Variants in FARS2 observed in about 807,000 individuals in gnomAD.
The protein encoded by FARS2 is phenylalanine--tRNA ligase, mitochondrial.
In FARS2, 40 loss-of-function variants were observed where a neutral mutation model predicts 46.4. The ratio of observed to expected loss-of-function variants is 0.86; its 90% CI spans 0.67 to 1.12. The LOEUF is 1.12. Among genes scored for constraint, FARS2 ranks in the 50% most tolerant of loss-of-function variants. The pLI is 0.00. For missense variants in FARS2, 513 were observed against 567.9 expected, an observed-to-expected ratio of 0.90 and a Z score of 0.98; for synonymous variants, 234 against 214.9, an observed-to-expected ratio of 1.09 and a Z score of -0.78.
chr6:5,592,005 G>C (rs1485424864), intron 5 of FARS2, among the ~76,000 whole-genome samples: 3 of 152,326 alleles, frequency 2.0e-5, no homozygotes, highest in African/African-American at 7.2e-5. Context: ...GACTGTCTAA[G>C]ATGGGTCGAT....
chr6:5,639,581 T>C (rs899544041), intron 6 of FARS2, among the ~76,000 whole-genome samples: 5 of 152,224 alleles, frequency 3.3e-5, no homozygotes, highest in Non-Finnish European at 7.3e-5. Context: ...TATGGGAAAC[T>C]CTGGTGCCTG....
At chr6:5,314,437 G>A (rs1017542351) in intron 1 of FARS2, among the ~76,000 whole-genome samples, 3 of 152,172 alleles carry the variant, frequency 2.0e-5, no homozygotes, top group Non-Finnish European at 2.9e-5. Flanking sequence ...TGTTTCTGCA[G>A]GGGTCATTCT....
chr6:5,357,423 G>C (rs985043502), intron 1 of FARS2, among the ~76,000 whole-genome samples: 1 of 152,208 alleles, frequency 6.6e-6, no homozygotes, highest in Non-Finnish European at 1.5e-5. Context: ...AGTTGCTTAA[G>C]ATCTGACAGA....
At chr6:5,716,045 A>C (rs1469113645) in intron 6 of FARS2, among the ~76,000 whole-genome samples, 1 of 151,946 alleles carries the variant, frequency 6.6e-6, no homozygotes, top group Non-Finnish European at 1.5e-5. Flanking sequence ...TTTGATTTGC[A>C]TTTTTCCCTG....
intron 6 of FARS2, among the ~76,000 whole-genome samples, chr6:5,637,066 C>T (rs1776581151): frequency 6.6e-6 from 1 of 152,210 alleles, no homozygotes; most frequent in Admixed American, 6.5e-5. Context: ...TAGGCAAGAG[C>T]ATAGGAAGAA....
chr6:5,292,906 G>A (rs763750202), intron 1 of FARS2, among the ~76,000 whole-genome samples: 2 of 152,152 alleles, frequency 1.3e-5, no homozygotes, highest in African/African-American at 2.4e-5. Flanking sequence ...ATGAGTAGGA[G>A]CGTTCATGGA....
intron 6 of FARS2, among the ~76,000 whole-genome samples, chr6:5,680,165 GA>G (rs2150831280): frequency 6.6e-6 from 1 of 152,328 alleles, no homozygotes; most frequent in East Asian, 1.9e-4. Context: ...GAAGGCATTA[GA>G]AACAATGCTT....
At chr6:5,293,038 A>T (rs1767612834) in intron 1 of FARS2, among the ~76,000 whole-genome samples, 1 of 152,242 alleles carries the variant, frequency 6.6e-6, no homozygotes, top group Non-Finnish European at 1.5e-5. Flanking sequence ...AAAAGCACTG[A>T]CAAGTGGCTA....
At chr6:5,554,064 TC>T (rs1302625613) in intron 5 of FARS2, among the ~76,000 whole-genome samples, 2 of 152,214 alleles carry the variant, frequency 1.3e-5, no homozygotes, top group African/African-American at 4.8e-5. Context: ...CTATTTTCTT[TC>T]TTTTTGCCCT....
intron 6 of FARS2, among the ~76,000 whole-genome samples, chr6:5,661,344 C>T (rs79870973): frequency 0.047 from 7,115 of 152,292 alleles, 425 homozygotes; most frequent in African/African-American, 0.13. Context: ...TTACAGGAAA[C>T]ACAGAGACTG....
intron 6 of FARS2, among the ~76,000 whole-genome samples, chr6:5,754,108 A>G (rs1313765572): frequency 1.3e-5 from 2 of 152,206 alleles, no homozygotes; most frequent in Non-Finnish European, 2.9e-5. Flanking sequence ...TTTATTGAGT[A>G]TTTATTTTGT....
intron 5 of FARS2, among the ~76,000 whole-genome samples, chr6:5,602,088 T>C (rs1186732730): frequency 6.6e-6 from 1 of 152,116 alleles, no homozygotes; most frequent in Non-Finnish European, 1.5e-5. Context: ...AACCAGAGAA[T>C]GACTTAATAA....
intron 3 of FARS2, among the ~76,000 whole-genome samples, chr6:5,427,208 A>G (rs1317936078): frequency 1.4e-4 from 22 of 152,328 alleles, no homozygotes; most frequent in Admixed American, 1.2e-3. Context: ...ATTCTCTTCA[A>G]TAAATGATTC....
At chr6:5,725,861 A>G (rs71557579) in intron 6 of FARS2, among the ~76,000 whole-genome samples, 19,412 of 151,756 alleles carry the variant, frequency 0.13, 1,563 homozygotes, top group Non-Finnish European at 0.19. Context: ...CTTGAACCAG[A>G]GAGGCAGAGG....
chr6:5,722,723 A>G (rs1272290023), intron 6 of FARS2, among the ~76,000 whole-genome samples: 1 of 152,154 alleles, frequency 6.6e-6, no homozygotes, highest in Non-Finnish European at 1.5e-5. Flanking sequence ...TCTGAGTGCA[A>G]CGAGGATGTC....
chr6:5,291,823 A>G (rs1185573210), intron 1 of FARS2, among the ~76,000 whole-genome samples: 2 of 152,194 alleles, frequency 1.3e-5, no homozygotes, highest in Non-Finnish European at 2.9e-5. Flanking sequence ...CTTTATGAGT[A>G]TTCATTTGTT....
At chr6:5,327,969 G>A (rs1297156419) in intron 1 of FARS2, among the ~76,000 whole-genome samples, 6 of 152,216 alleles carry the variant, frequency 3.9e-5, no homozygotes, top group African/African-American at 1.2e-4. Context: ...GGTGTGTACA[G>A]ATGACTTTCA....
At position 5,684,571 on chromosome 6, in the gene FARS2, C is replaced by T. The variant is rs114492807; in HGVS notation, c.1217+71251C>T. ...CCATCACCCTTACCCTAGAGTAAGC[C>T]AGCTGTATAAACAAAAAGCTGCAAC... is the stretch of plus-strand genomic sequence containing the variant. On this transcript the variant is annotated intron_variant, in intron 6 of 6. Coordinates refer to ENST00000274680, the MANE Select transcript of FARS2 (RefSeq NM_006567.5). Among the ~76,000 whole-genome samples the T allele has an allele frequency of 7.3e-3, 1,117 of 152,240 alleles. 12 individuals carry two copies. The highest frequency in any genetic ancestry group is 0.026 in the African/African-American group (1,075 of 41,528).
At chr6:5,393,820 T>C (rs1760732534) in intron 2 of FARS2, among the ~76,000 whole-genome samples, 1 of 152,230 alleles carries the variant, frequency 6.6e-6, no homozygotes, top group Admixed American at 6.5e-5. Flanking sequence ...GATGGAGAAC[T>C]GCTGAGATGC....
Sources: allele counts gnomAD v4.1 joint callset (sites outside exome capture counted in the v4.1 genomes callset), GRCh38; gene constraint gnomAD v4.1.1; transcripts MANE v1.5; gene names NCBI Gene and HGNC (gene_info 2026-07-23, HGNC 2026-07-21).